GRM8: variants seen among roughly 807,000 people sequenced by gnomAD.
The protein encoded by GRM8 is glutamate metabotropic receptor 8.
Under a neutral mutation model 87.2 loss-of-function variants are expected in GRM8, and 47 were observed. That is an observed-to-expected ratio of 0.54 (90% CI 0.43 to 0.69). The LOEUF is 0.69. Among genes scored for constraint, GRM8 ranks in the 30% least tolerant of loss-of-function variants. The pLI is 0.00. For missense variants in GRM8, 1,019 were observed against 1,139.2 expected, an observed-to-expected ratio of 0.89 and a Z score of 1.52; for synonymous variants, 396 against 404.5, an observed-to-expected ratio of 0.98 and a Z score of 0.25.
At chr7:126,756,423 C>T (rs1817013719) in intron 7 of GRM8, among the ~76,000 whole-genome samples, 1 of 151,946 alleles carries the variant, frequency 6.6e-6, no homozygotes, top group Non-Finnish European at 1.5e-5. Flanking sequence ...ATAAGCTGGG[C>T]TTCATTAAAA....
chr7:126,856,811 C>A (rs1330400127), intron 6 of GRM8, among the ~76,000 whole-genome samples: 1 of 152,148 alleles, frequency 6.6e-6, no homozygotes, highest in African/African-American at 2.4e-5. Context: ...GGGGAATACC[C>A]ATCAAAGTGA....
intron 8 of GRM8, among the ~76,000 whole-genome samples, chr7:126,606,190 C>T (rs1798324187): frequency 6.6e-6 from 1 of 152,154 alleles, no homozygotes; most frequent in Admixed American, 6.5e-5. Context: ...GGACAGTCAG[C>T]ATTTTAAATG....
At chr7:126,841,689 G>A (rs1796280797) in intron 6 of GRM8, among the ~76,000 whole-genome samples, 1 of 150,922 alleles carries the variant, frequency 6.6e-6, no homozygotes. Context: ...GTGCAGTGGT[G>A]CAATCTCCGC....
At chr7:126,504,911 C>T (rs961896088) in intron 9 of GRM8, among the ~76,000 whole-genome samples, 1 of 151,990 alleles carries the variant, frequency 6.6e-6, no homozygotes. Context: ...TTATTACTAA[C>T]TATAATACAA....
chr7:127,098,926 C>A (rs947678016), intron 3 of GRM8, among the ~76,000 whole-genome samples: 14 of 152,188 alleles, frequency 9.2e-5, no homozygotes, highest in Non-Finnish European at 1.9e-4. Flanking sequence ...CCATACTGTG[C>A]AAATCTACAA....
At chr7:127,200,602 CT>C (rs1795534060) in intron 2 of GRM8, among the ~76,000 whole-genome samples, 1 of 152,196 alleles carries the variant, frequency 6.6e-6, no homozygotes, top group African/African-American at 2.4e-5. Context: ...CCCATGTTCT[CT>C]GCAGGCTCTA....
At chr7:126,832,716 G>A (rs1795512831) in intron 6 of GRM8, among the ~76,000 whole-genome samples, 1 of 152,172 alleles carries the variant, frequency 6.6e-6, no homozygotes, top group African/African-American at 2.4e-5. Flanking sequence ...TCAACAGAAT[G>A]TAGAAACCTG....
chr7:126,675,406 T>A (rs1028748418), intron 7 of GRM8, among the ~76,000 whole-genome samples: 1 of 152,126 alleles, frequency 6.6e-6, no homozygotes, highest in Non-Finnish European at 1.5e-5. Context: ...CATATCAAAC[T>A]GATACCTAAG....
intron 2 of GRM8, among the ~76,000 whole-genome samples, chr7:127,132,956 T>G (rs775129325): frequency 1.3e-5 from 2 of 152,172 alleles, no homozygotes; most frequent in Non-Finnish European, 2.9e-5. Flanking sequence ...CCCATAAATC[T>G]CTACCAACGT....
chr7:126,579,251 T>C lies in GRM8; in HGVS notation c.1494+30111A>G, dbSNP rs1250489127. ...ACAGGAAAAAAGGACAAAGTTGAAT[T>C]TTGTTTTCTGTTCTTTTCATGTGAC... On this transcript the variant is annotated intron_variant, in intron 8 of 10. Transcript: ENST00000339582. Among the ~76,000 whole-genome samples, 3 of 152,172 alleles carry C rather than the reference T, an allele frequency of 2.0e-5. No individual in the cohort carries two copies. The East Asian group carries it at 5.8e-4, about 29-fold the overall frequency.
chr7:127,040,773 T>C (rs1361540445), intron 3 of GRM8, among the ~76,000 whole-genome samples: 3 of 152,208 alleles, frequency 2.0e-5, no homozygotes, highest in Admixed American at 6.5e-5. Flanking sequence ...CTCATTCTGC[T>C]TCTCACCTTT....
intron 7 of GRM8, among the ~76,000 whole-genome samples, chr7:126,754,071 C>T (rs991456662): frequency 6.6e-6 from 1 of 151,674 alleles, no homozygotes; most frequent in Non-Finnish European, 1.5e-5. Flanking sequence ...CTAATTCAAA[C>T]CAAACATTAG....
intron 3 of GRM8, among the ~76,000 whole-genome samples, chr7:126,928,670 TCA>T (rs1805409616): frequency 9.4e-6 from 1 of 106,104 alleles, no homozygotes; most frequent in African/African-American, 3.8e-5. Context: ...AGACCCTGCC[TCA>T]AAAAAAAAAA....
chr7:126,728,887 A>G (rs1813292667), intron 7 of GRM8, among the ~76,000 whole-genome samples: 1 of 152,134 alleles, frequency 6.6e-6, no homozygotes, highest in Admixed American at 6.5e-5. Flanking sequence ...AACATGTCAG[A>G]CACTCTTCTA....
intron 3 of GRM8, among the ~76,000 whole-genome samples, chr7:127,029,357 C>T (rs556587877): frequency 1.2e-4 from 19 of 152,154 alleles, no homozygotes; most frequent in African/African-American, 1.9e-4. Context: ...GTCTGCTTGG[C>T]GCAGAGCTGA....
chr7:126,833,856 T>A (rs926937415), intron 6 of GRM8, among the ~76,000 whole-genome samples: 4 of 152,186 alleles, frequency 2.6e-5, no homozygotes, highest in African/African-American at 9.7e-5. Context: ...AGATTACTAA[T>A]CCTTCAACAT....
intron 2 of GRM8, among the ~76,000 whole-genome samples, chr7:127,165,641 C>G (rs1793408058): frequency 6.6e-6 from 1 of 152,148 alleles, no homozygotes; most frequent in Non-Finnish European, 1.5e-5. Context: ...CTCTTGCTGC[C>G]TTTTCACAAA....
chr7:127,157,640 G>A (rs1320319182), intron 2 of GRM8, among the ~76,000 whole-genome samples: 1 of 151,954 alleles, frequency 6.6e-6, no homozygotes, highest in East Asian at 1.9e-4. Context: ...ATTTTATCAT[G>A]GATGAAAAAA....
At chr7:126,776,828 C>A (rs1337847296) in intron 6 of GRM8, among the ~76,000 whole-genome samples, 1 of 152,122 alleles carries the variant, frequency 6.6e-6, no homozygotes, top group Non-Finnish European at 1.5e-5. Flanking sequence ...TCTGTCAGGG[C>A]CCCTCCAGCT....
Sources: gnomAD v4.1 joint callset for allele counts (sites outside exome capture counted in the v4.1 genomes callset) on GRCh38, gnomAD v4.1.1 for gene constraint, MANE v1.5 for transcripts, NCBI Gene and HGNC (gene_info 2026-07-23, HGNC 2026-07-21) for gene names.